Variants in SGO1 observed in about 807,000 individuals in gnomAD.
SGO1 encodes serologically defined breast cancer antigen NY-BR-85.
Under a neutral mutation model 50.5 loss-of-function variants are expected in SGO1, and 39 were observed. The ratio of observed to expected loss-of-function variants is 0.77; its 90% CI spans 0.60 to 1.01. The LOEUF (loss-of-function observed/expected upper bound fraction) is 1.01, where lower values mean the gene tolerates loss of function less well. Among genes scored for constraint, SGO1 ranks in the 50% least tolerant of loss-of-function variants. The pLI is 0.00. For missense variants in SGO1, 638 were observed against 606.0 expected, an observed-to-expected ratio of 1.05 and a Z score of -0.55; for synonymous variants, 191 against 205.1, an observed-to-expected ratio of 0.93 and a Z score of 0.59.
At chr3:20,183,846 C>T (rs1702306249) in intron 2 of SGO1, 40 bp downstream of exon 2, 1 of 1,606,146 alleles carries the variant, frequency 6.2e-7, no homozygotes, top group South Asian at 1.1e-5. Context: ...TAAATCTAAA[C>T]TTAAAAGTGA....
At chr3:20,173,025 C>A (rs761019255) in intron 6 of SGO1, among the ~76,000 whole-genome samples, 4 of 151,930 alleles carry the variant, frequency 2.6e-5, no homozygotes, top group Non-Finnish European at 4.4e-5. Flanking sequence ...TTTAAATGTA[C>A]ACAAAGATGG....
At chr3:20,181,405 C>T (rs1229117510) in intron 3 of SGO1, among the ~76,000 whole-genome samples, 2 of 151,986 alleles carry the variant, frequency 1.3e-5, no homozygotes, top group East Asian at 3.8e-4. Context: ...TTTTAAGCTT[C>T]TCCACCACTG....
chr3:20,173,494 T>C (rs1408600599), intron 6 of SGO1, among the ~76,000 whole-genome samples: 1 of 152,216 alleles, frequency 6.6e-6, no homozygotes, highest in Admixed American at 6.5e-5. Flanking sequence ...AACTGGCCGA[T>C]TTAGAAAGTT....
chr3:20,170,178 C>G lies in SGO1; in HGVS notation c.*526G>C. The G allele has an allele frequency of 2.3e-6, 2 of 865,508 alleles. No homozygotes were observed. The highest frequency in any genetic ancestry group is 2.8e-6 in the Non-Finnish European group (2 of 720,722). 53.6% of individuals were successfully genotyped at this position (865,508 alleles called of 1,614,324 possible). A position where few individuals can be genotyped will look rare whatever the true frequency, so the allele number is the denominator to read the frequency against. On this transcript the variant is annotated 3_prime_UTR_variant, in exon 8 of 8. Coordinates refer to ENST00000412997, the MANE Select transcript of SGO1 (RefSeq NM_001199251.3). The stretch of plus-strand genomic sequence containing the variant: ...CTTTGGGAGGCCGAGGTGGGCAGAT[C>G]ACCTGAGGTTGGGAGTTTGAGAGCA...
intron 6 of SGO1, 116 bp from the exon 7 acceptor site, chr3:20,171,348 A>AT (rs1304634874): frequency 3.6e-4 from 311 of 863,274 alleles, no homozygotes; most frequent in Middle Eastern, 1.1e-3. Flanking sequence ...TAATAATAGA[A>AT]TTTTTTTTTA....
Position 20,170,799 on chromosome 3 carries a change from C to A in SGO1, c.1489G>T (p.Asp497Tyr). 1 of 1,593,458 alleles carries A rather than the reference C, an allele frequency of 6.3e-7. No individual in the cohort carries two copies. Among genetic ancestry groups the A allele is most frequent in the Non-Finnish European group, 8.5e-7 (1 of 1,174,982 alleles). Reference protein sequence around the residue: ...PTLASKLRRGDPFTDLCFLNS... With the variant: ...PTLASKLRRGYPFTDLCFLNS... ...AAAAAACACAAATCTGTAAAAGGGT[C>A]CCCTCTTCTCAGTTTCCTGTAAGAG... Residue 497 changes from aspartate (D) to tyrosine (Y), a missense_variant, in exon 8 of 8, where the codon GAC (aspartate) becomes TAC (tyrosine). Coordinates refer to ENST00000412997, the MANE Select transcript of SGO1 (RefSeq NM_001199251.3).
At chr3:20,182,009 G>C (rs1216168306) in intron 3 of SGO1, among the ~76,000 whole-genome samples, 1 of 152,024 alleles carries the variant, frequency 6.6e-6, no homozygotes, top group Non-Finnish European at 1.5e-5. Context: ...CTTGAACCCA[G>C]GAGGCAGGGG....
At chr3:20,186,831 T>A (rs565912390), upstream of SGO1, among the ~76,000 whole-genome samples, 1 of 152,244 alleles carries the variant, frequency 6.6e-6, no homozygotes, top group South Asian at 2.1e-4. Flanking sequence ...CCTTTGCCCG[T>A]CCAGTCGGTC....
At chr3:20,173,668 C>A (rs1258247331) in intron 6 of SGO1, among the ~76,000 whole-genome samples, 1 of 152,098 alleles carries the variant, frequency 6.6e-6, no homozygotes, top group Non-Finnish European at 1.5e-5. Flanking sequence ...ACTAAAATTG[C>A]CAAATGAGAA....
intron 1 of SGO1, among the ~76,000 whole-genome samples, chr3:20,184,937 G>T (rs980808692): frequency 7.0e-6 from 1 of 142,378 alleles, no homozygotes. Flanking sequence ...AAAAAAAAAA[G>T]ACTTGTTTCC....
downstream of SGO1, chr3:20,169,290 A>T (rs1700487450): frequency 1.1e-5 from 11 of 984,970 alleles, no homozygotes; most frequent in Non-Finnish European, 1.3e-5. Flanking sequence ...TGTTAGGTTG[A>T]AAGTATGGAG....
rs866159556 is a variant in SGO1 at position 20,170,133 on chromosome 3, G to A, written c.*571C>T. Reference sequence around the variant, plus strand: ...TAAGATACATTTTGGGCTGGGCACAGTGGCTCAGTAATCCCAGCACTTTGG... The same window carrying A: ...TAAGATACATTTTGGGCTGGGCACAATGGCTCAGTAATCCCAGCACTTTGG... On this transcript the variant is annotated 3_prime_UTR_variant, in exon 8 of 8. Coordinates refer to ENST00000412997, the MANE Select transcript of SGO1 (RefSeq NM_001199251.3). 33 of 984,328 alleles carry A rather than the reference G, an allele frequency of 3.4e-5. 2 individuals carry two copies. The South Asian group carries it at 1.3e-3, about 38-fold the overall frequency. 61.0% of individuals were successfully genotyped at this position (984,328 alleles called of 1,614,324 possible).
At chr3:20,168,438 T>G (rs892532726), downstream of SGO1, among the ~76,000 whole-genome samples, 10 of 152,116 alleles carry the variant, frequency 6.6e-5, no homozygotes, top group Admixed American at 2.0e-4. Context: ...TTTTTTTTTT[T>G]TTTTTCAACT....
downstream of SGO1, among the ~76,000 whole-genome samples, chr3:20,166,064 A>C (rs1165790755): frequency 1.3e-5 from 2 of 152,140 alleles, no homozygotes; most frequent in African/African-American, 4.8e-5. Flanking sequence ...AACAAAAAAA[A>C]AGTTAGCAAA....
In SGO1 at chr3:20,170,614, G is replaced by A. The variant is rs1700612160; in HGVS notation, c.*90C>T. Reference sequence around the variant, plus strand: ...TGTCAAGAGAATATTCTATGGCAATGGCTCACTCTGTTTGTGTACTCTTAC... The same window carrying A: ...TGTCAAGAGAATATTCTATGGCAATAGCTCACTCTGTTTGTGTACTCTTAC... On this transcript the variant is annotated 3_prime_UTR_variant, in exon 8 of 8. Transcript: ENST00000412997. 7.1e-7 allele frequency: 1 copy of A among 1,415,814 alleles called. No individual in the cohort carries two copies. The highest frequency in any genetic ancestry group is 1.5e-5 in the African/African-American group (1 of 66,930). The allele number at this position is 1,415,814 out of a possible 1,614,324, so 87.7% of individuals were successfully genotyped here.
rs147815310 is a variant in SGO1 at position 20,174,424 on chromosome 3, A to G, written c.1107T>C (p.Cys369=). The stretch of plus-strand genomic sequence containing the variant: ...AATCATCTCCTGAACCACTTGATTC[A>G]CAGAGGCTCACTTCAGACTCGTTGT... ...EENNESEVSL[C]ESSGSGDDSD... The change falls in exon 6 of 8, where the codon TGT becomes TGC. Residue 369 remains cysteine, a synonymous_variant. Transcript: ENST00000412997. The G allele has an allele frequency of 9.5e-5, 153 of 1,613,776 alleles. No homozygotes were observed. Among genetic ancestry groups the G allele is most frequent in the Non-Finnish European group, 1.2e-4 (147 of 1,179,758 alleles).
At chr3:20,164,202 A>G (rs1379061041) in intron 8 of SGO1, among the ~76,000 whole-genome samples, 2 of 152,218 alleles carry the variant, frequency 1.3e-5, no homozygotes, top group Non-Finnish European at 2.9e-5. Flanking sequence ...ATTAACAAAT[A>G]AAATTCAGCA....
chr3:20,180,306 TTCAAATGTGAATGGAAGC>T (rs1701867273), intron 3 of SGO1, among the ~76,000 whole-genome samples: 1 of 152,066 alleles, frequency 6.6e-6, no homozygotes, highest in South Asian at 2.1e-4. Context: ...AAAGAGTCGT[TTCAAATGTGAATGGAAGC>T]TGAGGAAGTG....
At chr3:20,171,328 A>C in intron 6 of SGO1, 96 bp from the exon 7 acceptor site, 2 of 998,762 alleles carry the variant, frequency 2.0e-6, no homozygotes, top group African/African-American at 1.7e-5. Context: ...TGTACACAAA[A>C]TCCAGCATTT....
Sources: allele counts gnomAD v4.1 joint callset (sites outside exome capture counted in the v4.1 genomes callset), GRCh38; gene constraint gnomAD v4.1.1; transcripts MANE v1.5; gene names NCBI Gene and HGNC (gene_info 2026-07-23, HGNC 2026-07-21).